Variants in CD300A observed in about 807,000 individuals in gnomAD.
CD300A encodes the protein CD300a molecule.
CD300A carries 22 observed loss-of-function variants against 33.6 expected under a neutral mutation model. The ratio of observed to expected loss-of-function variants is 0.66; its 90% CI spans 0.47 to 0.94. The LOEUF (loss-of-function observed/expected upper bound fraction) is 0.94, where lower values mean the gene tolerates loss of function less well. Ranked by LOEUF, CD300A falls within the 40% of genes least tolerant of loss-of-function variation. The pLI, the probability that CD300A is intolerant of heterozygous loss-of-function variation, is 0.00. For missense variants in CD300A, 326 were observed against 360.5 expected (o/e 0.90, Z 0.77); for synonymous variants, 136 against 148.1 (o/e 0.92, Z 0.59).
At chr17:74,468,013 A>ATTTATTTATTTG (rs760768571) in intron 1 of CD300A, among the ~76,000 whole-genome samples, 3 of 79,450 alleles carry the variant, frequency 3.8e-5, no homozygotes, top group Non-Finnish European at 6.6e-5. Context: ...TTTTACTTTT[A>ATTTATTTATTTG]TTTATTTATT....
At chr17:74,467,071 G>A (rs1905763341) in intron 1 of CD300A, 1 of 1,157,318 alleles carries the variant, frequency 8.6e-7, no homozygotes, top group Non-Finnish European at 1.1e-6. Flanking sequence ...GATGTGTCAG[G>A]GTGGGTGGAG....
chr17:74,468,009 T>TTTTATTTATTTATTTA lies in CD300A; in HGVS notation c.40+1290_40+1305dup, dbSNP rs138029210. The stretch of plus-strand genomic sequence containing the variant: ...ATGACTATTCACAAAGCATTTTTAC[T>TTTTATTTATTTATTTA]TTTATTTATTTATTTATTTATTTAT... On this transcript the variant is annotated intron_variant, in intron 1 of 6. Coordinates refer to ENST00000360141, the MANE Select transcript of CD300A (RefSeq NM_007261.4). 4.3e-3 allele frequency among the ~76,000 whole-genome samples: 624 copies of TTTTATTTATTTATTTA among 146,424 alleles called. 4 individuals carry two copies. Among genetic ancestry groups the TTTTATTTATTTATTTA allele is most frequent in the East Asian group, 7.3e-3 (36 of 4,948 alleles).
intron 3 of CD300A, among the ~76,000 whole-genome samples, chr17:74,475,898 A>G (rs745360245): frequency 1.3e-5 from 2 of 152,172 alleles, no homozygotes; most frequent in Admixed American, 6.5e-5. Context: ...CAGTTTTATC[A>G]TAAGGATAAA....
chr17:74,469,848 A>T (rs1005629709), intron 1 of CD300A: 4 of 503,054 alleles, frequency 8.0e-6, no homozygotes, highest in Non-Finnish European at 1.0e-5. Context: ...TAAAATAATT[A>T]ATCATTTACC....
At chr17:74,479,729 A>T (rs979820469) in intron 4 of CD300A, among the ~76,000 whole-genome samples, 5 of 151,362 alleles carry the variant, frequency 3.3e-5, no homozygotes, top group Non-Finnish European at 7.4e-5. Context: ...AACATTTTTG[A>T]CTCTCTGTCC....
intron 2 of CD300A, among the ~76,000 whole-genome samples, chr17:74,474,247 G>T (rs1906313755): frequency 6.6e-6 from 1 of 152,136 alleles, no homozygotes; most frequent in Non-Finnish European, 1.5e-5. Flanking sequence ...TGACAGGTCA[G>T]ATTTGCAGTG....
intron 3 of CD300A, among the ~76,000 whole-genome samples, chr17:74,475,555 A>T (rs1407403744): frequency 1.3e-5 from 2 of 152,234 alleles, no homozygotes; most frequent in Non-Finnish European, 2.9e-5. Flanking sequence ...AACCCCACAT[A>T]GAATCTGACA....
intron 6 of CD300A, among the ~76,000 whole-genome samples, chr17:74,482,396 G>A (rs1906919122): frequency 6.6e-6 from 1 of 151,742 alleles, no homozygotes; most frequent in Non-Finnish European, 1.5e-5. Flanking sequence ...AGCTGAAGAG[G>A]CCCCTCAGAC....
At chr17:74,475,887 A>G (rs1454088382) in intron 3 of CD300A, among the ~76,000 whole-genome samples, 1 of 152,218 alleles carries the variant, frequency 6.6e-6, no homozygotes, top group Non-Finnish European at 1.5e-5. Flanking sequence ...ACTTACAATT[A>G]CAGTTTTATC....
chr17:74,466,805 G>T (rs544159436), intron 1 of CD300A, 62 bp downstream of exon 1: 145 of 1,554,274 alleles, frequency 9.3e-5, no homozygotes, highest in Non-Finnish European at 1.2e-4. Context: ...GGGCAGGGCC[G>T]CAGGGCAGGT....
rs1217984245 is a variant in CD300A, at chr17:74,480,269, G to A, written c.629-1020G>A. Reference sequence around the variant, plus strand: ...CCGTGGGCTCCTCCCCTTTAATTCTGGGGGAGGAGCCCACAGATCCCCACA... The same window carrying A: ...CCGTGGGCTCCTCCCCTTTAATTCTAGGGGAGGAGCCCACAGATCCCCACA... On this transcript the variant is annotated intron_variant, in intron 4 of 6. Transcript: ENST00000360141. This position sits in a 1 kb window ranked among gnomAD's most constrained non-coding sequence, Gnocchi z 4.2. Among the ~76,000 whole-genome samples, 2 of 152,170 alleles carry A rather than the reference G, an allele frequency of 1.3e-5. No individual in the cohort carries two copies. Among genetic ancestry groups the A allele is most frequent in the African/African-American group, 2.4e-5 (1 of 41,526 alleles).
At chr17:74,466,792 G>A in intron 1 of CD300A, 49 bp downstream of exon 1, 1 of 1,561,164 alleles carries the variant, frequency 6.4e-7, no homozygotes, top group South Asian at 1.2e-5. Flanking sequence ...GGGAGGGTGC[G>A]AGGGGCAGGG....
chr17:74,471,946 A>G (rs1223466002), intron 1 of CD300A, among the ~76,000 whole-genome samples: 1 of 152,096 alleles, frequency 6.6e-6, no homozygotes, highest in Non-Finnish European at 1.5e-5. Flanking sequence ...AGTAAGTAAA[A>G]TTAAAGAGTT....
intron 1 of CD300A, among the ~76,000 whole-genome samples, chr17:74,471,630 T>C (rs1438967423): frequency 2.0e-5 from 3 of 152,202 alleles, no homozygotes; most frequent in Non-Finnish European, 4.4e-5. Context: ...CTTTCTGCTT[T>C]GTCCTGGCAA....
At chr17:74,481,944 T>A in intron 6 of CD300A, 111 bp downstream of exon 6, 1 of 743,770 alleles carries the variant, frequency 1.3e-6, no homozygotes, top group Non-Finnish European at 2.3e-6. Context: ...ATCTTGTGCC[T>A]GTCAGGGACA....
At chr17:74,467,605 C>G (rs751466191) in intron 1 of CD300A, among the ~76,000 whole-genome samples, 7 of 152,240 alleles carry the variant, frequency 4.6e-5, no homozygotes, top group African/African-American at 1.7e-4. Flanking sequence ...TGTGCAGACT[C>G]CTCAGGCCTA....
chr17:74,481,794 A>G lies in CD300A; in HGVS notation c.735A>G (p.Pro245=), dbSNP rs988844485. The G allele has an allele frequency of 6.2e-7, 1 of 1,613,068 alleles. No homozygotes were observed. Among genetic ancestry groups the G allele is most frequent in the Non-Finnish European group, 8.5e-7 (1 of 1,179,772 alleles). ...ELLMWPLQEK[P]APPREVEVEY... ...TGATGTGGCCTCTGCAGGAAAAGCC[A>G]GCACCACCAAGGGAGGTGGAGGTGG... Residue 245 remains proline (P), a synonymous_variant, in exon 6 of 7, where the codon CCA becomes CCG. Coordinates refer to ENST00000360141, the MANE Select transcript of CD300A (RefSeq NM_007261.4).
At chr17:74,474,189 T>TGG (rs3215317) in intron 2 of CD300A, among the ~76,000 whole-genome samples, 1 of 150,906 alleles carries the variant, frequency 6.6e-6, no homozygotes, top group Non-Finnish European at 1.5e-5. Context: ...ACAGAGAGGC[T>TGG]GGGGGGCCAG....
chr17:74,482,272 C>T (rs550996800), intron 6 of CD300A, among the ~76,000 whole-genome samples: 143 of 152,028 alleles, frequency 9.4e-4, no homozygotes, highest in African/African-American at 3.3e-3. Context: ...CTCCCTGGGT[C>T]GTGACCCACC....
Sources: allele counts gnomAD v4.1 joint callset (sites outside exome capture counted in the v4.1 genomes callset), GRCh38; gene constraint gnomAD v4.1.1; non-coding constraint Gnocchi (gnomAD v3.1); transcripts MANE v1.5; gene names NCBI Gene and HGNC (gene_info 2026-07-23, HGNC 2026-07-21).